NWD1: variants seen among roughly 807,000 people sequenced by gnomAD.
NWD1 encodes NACHT domain- and WD repeat-containing protein 1.
In NWD1, 129 loss-of-function variants were observed where a neutral mutation model predicts 135.1. That is an observed-to-expected ratio of 0.96 (90% CI 0.83 to 1.11). The LOEUF is 1.11. Ranked by LOEUF, NWD1 falls within the 50% of genes least tolerant of loss-of-function variation. The pLI is 0.00. For synonymous variants in NWD1, 773 were observed against 786.0 expected, an observed-to-expected ratio of 0.98 and a Z score of 0.28; for missense variants, 1,740 against 1,851.3, an observed-to-expected ratio of 0.94 and a Z score of 1.10.
chr19:16,727,948 G>A (rs1967394809), intron 2 of NWD1, among the ~76,000 whole-genome samples: 1 of 152,086 alleles, frequency 6.6e-6, no homozygotes, highest in South Asian at 2.1e-4. Flanking sequence ...TGTAATCCCA[G>A]CTACTTGAGA....
chr19:16,728,111 T>G (rs1250150771), intron 2 of NWD1, among the ~76,000 whole-genome samples: 1 of 152,042 alleles, frequency 6.6e-6, no homozygotes, highest in Non-Finnish European at 1.5e-5. Flanking sequence ...GATAATAGCA[T>G]GCAGCTACAC....
rs143908337 is a variant in NWD1 at position 16,807,836 on chromosome 19, C to T, written c.3987C>T (p.Ser1329=). The change falls in exon 18 of 19, where the codon TCC becomes TCT. Residue 1329 remains serine, a synonymous_variant. Coordinates refer to ENST00000524140, the MANE Select transcript of NWD1 (RefSeq NM_001007525.5). ...DNIVLVLDIT[S]GDPCPVIDGP... is the part of the protein sequence containing the mutation. ...TCGTCCTGGTGCTGGACATCACCTCCGGGGACCCCTGCCCGGTCATCGATG... is the reference window on the plus strand; with the variant it reads ...TCGTCCTGGTGCTGGACATCACCTCTGGGGACCCCTGCCCGGTCATCGATG... 7.0e-5 allele frequency: 113 copies of T among 1,614,178 alleles called. No homozygotes were observed. Among genetic ancestry groups the T allele is most frequent in the East Asian group, 2.0e-4 (9 of 44,886 alleles).
intron 11 of NWD1, among the ~76,000 whole-genome samples, chr19:16,778,682 T>C (rs187076870): frequency 6.6e-6 from 1 of 152,166 alleles, no homozygotes; most frequent in Non-Finnish European, 1.5e-5. Flanking sequence ...CTAATTTTTA[T>C]ATTTTTAGTA....
At chr19:16,807,170 C>CAAAA (rs111687474) in intron 17 of NWD1, among the ~76,000 whole-genome samples, 5 of 99,838 alleles carry the variant, frequency 5.0e-5, no homozygotes, top group Non-Finnish European at 4.5e-5. Flanking sequence ...AATACTGTCT[C>CAAAA]AAAAAAAAAA....
At chr19:16,803,628 T>C (rs1970666195) in intron 17 of NWD1, among the ~76,000 whole-genome samples, 1 of 151,840 alleles carries the variant, frequency 6.6e-6, no homozygotes, top group Admixed American at 6.6e-5. Context: ...GGAAACTAGC[T>C]AGTCATGGCC....
chr19:16,763,792 T>C, intron 8 of NWD1, 36 bp from the exon 9 acceptor site: 2 of 1,305,388 alleles, frequency 1.5e-6, no homozygotes, highest in Non-Finnish European at 2.2e-6. Flanking sequence ...TGAATGGGTT[T>C]GTGTCCAAGC....
chr19:16,739,355 A>AT lies in NWD1; in HGVS notation c.198+2607dup, dbSNP rs1555718025. 3.9e-4 allele frequency among the ~76,000 whole-genome samples: 51 copies of AT among 130,540 alleles called. 1 individual carries two copies. The highest frequency in any genetic ancestry group is 1.4e-3 in the African/African-American group (48 of 34,082). The allele number at this position is 130,540 out of a possible 152,430, so 85.6% of individuals were successfully genotyped here. The stretch of plus-strand genomic sequence containing the variant: ...AAAAAAAAAAAAAAAAAAAAAAAAA[A>AT]TTATTTTTTTAAGGAAGAAAGGGAA... On this transcript the variant is annotated intron_variant, in intron 4 of 18. Transcript: ENST00000524140.
chr19:16,747,445 C>T (rs1032947179), intron 5 of NWD1, among the ~76,000 whole-genome samples: 33 of 151,942 alleles, frequency 2.2e-4, no homozygotes, highest in African/African-American at 7.7e-4. Flanking sequence ...GGCACGATCA[C>T]GGCTCAGTGT....
chr19:16,763,991 C>T (rs769679299), intron 9 of NWD1, 46 bp downstream of exon 9: 5 of 1,146,146 alleles, frequency 4.4e-6, no homozygotes, highest in Middle Eastern at 2.0e-4. Context: ...GGTGACTGCA[C>T]CACGCTCCAG....
chr19:16,747,216 T>C (rs1968359158), intron 5 of NWD1, among the ~76,000 whole-genome samples: 1 of 151,692 alleles, frequency 6.6e-6, no homozygotes, highest in South Asian at 2.1e-4. Context: ...TTTGTATTTT[T>C]AGTAGAGACG....
rs886853526 is a variant in NWD1, at chr19:16,744,667, C to T, written c.445C>T (p.Arg149Trp). The change falls in exon 5 of 19, where the codon CGG becomes TGG. Residue 149 changes from arginine to tryptophan, a missense_variant. Coordinates refer to ENST00000524140, the MANE Select transcript of NWD1 (RefSeq NM_001007525.5). Reference sequence around the variant, plus strand: ...CCTACGCTCTGGAGCCCAGGAGGCCCGGAGGCTGGGGCTCATCACCCAGGA... The same window carrying T: ...CCTACGCTCTGGAGCCCAGGAGGCCTGGAGGCTGGGGCTCATCACCCAGGA... ...SVLRSGAQEA[R>W]RLGLITQEQW... 3.8e-5 allele frequency: 59 copies of T among 1,535,832 alleles called. No homozygotes were observed. Among genetic ancestry groups the T allele is most frequent in the Admixed American group, 1.4e-4 (7 of 50,946 alleles).
In NWD1 at chr19:16,750,337, A is replaced by T. The variant is rs1809543812; in HGVS notation, c.1695A>T (p.Gln565His). The T allele has an allele frequency of 6.2e-7, 1 of 1,611,912 alleles. No homozygotes were observed. Among genetic ancestry groups the T allele is most frequent in the Non-Finnish European group, 8.5e-7 (1 of 1,179,468 alleles). ...CCACCGCAGAGGAAGCCACGCACCA[A>T]CTCTGCACCCGCCTGGAGCAGACAC... is the stretch of plus-strand genomic sequence containing the variant. The part of the protein sequence containing the change: ...LATTAEEATH[Q>H]LCTRLEQTHG... The change falls in exon 6 of 19, where the codon CAA (glutamine) becomes CAT (histidine). Residue 565 changes from glutamine (Q) to histidine (H), a missense_variant. Coordinates refer to ENST00000524140, the MANE Select transcript of NWD1 (RefSeq NM_001007525.5).
At chr19:16,803,598 G>A (rs1338732881) in intron 17 of NWD1, among the ~76,000 whole-genome samples, 11 of 152,004 alleles carry the variant, frequency 7.2e-5, no homozygotes, top group Non-Finnish European at 1.3e-4. Flanking sequence ...TCCATAACAC[G>A]CCTATAACTT....
intron 10 of NWD1, among the ~76,000 whole-genome samples, chr19:16,767,167 C>CTT (rs56324724): frequency 3.3e-4 from 22 of 67,022 alleles, no homozygotes; most frequent in East Asian, 1.8e-3. Flanking sequence ...AGAGGTGCGT[C>CTT]TTTTTTTTTT....
intron 10 of NWD1, among the ~76,000 whole-genome samples, chr19:16,767,333 G>A (rs1467204434): frequency 6.6e-6 from 1 of 151,960 alleles, no homozygotes; most frequent in Non-Finnish European, 1.5e-5. Flanking sequence ...ACCATCGGAC[G>A]GCCAGGTGTG....
rs778929268 is a variant in NWD1, at chr19:16,797,861, CG to C, written c.3438del (p.Ser1147ProfsTer28). On this transcript the variant is annotated frameshift_variant, in exon 16 of 19. Transcript: ENST00000524140. LOFTEE classifies it high-confidence loss of function. ...GGTACTGAGAACAACCTGATCATCA[CG>C]GGGTCCCTTGATGCGCTCATTCAGG... ...VFGTENNLIITGSLDALIQVW... is the reference protein window; with the variant it reads ...VFGTENNLIIXGSLDALIQVW... The C allele has an allele frequency of 1.2e-6, 2 of 1,613,860 alleles. No individual in the cohort carries two copies. Among genetic ancestry groups the C allele is most frequent in the Non-Finnish European group, 1.7e-6 (2 of 1,179,786 alleles).
intron 4 of NWD1, among the ~76,000 whole-genome samples, chr19:16,742,848 A>T (rs113637010): frequency 0.022 from 3,224 of 144,544 alleles, 120 homozygotes; most frequent in African/African-American, 0.078. Context: ...TTTTAAAAAA[A>T]TTTTTTGTAG....
At chr19:16,745,945 A>C (rs1368125683) in intron 5 of NWD1, among the ~76,000 whole-genome samples, 4 of 151,878 alleles carry the variant, frequency 2.6e-5, no homozygotes, top group African/African-American at 9.7e-5. Context: ...AATTAAATAA[A>C]ATACAGTCTA....
intron 5 of NWD1, among the ~76,000 whole-genome samples, chr19:16,748,271 C>T (rs920772822): frequency 2.6e-5 from 4 of 151,942 alleles, no homozygotes; most frequent in Non-Finnish European, 5.9e-5. Context: ...GGCATGAGAC[C>T]CCATGTCCAG....
Sources: allele counts gnomAD v4.1 joint callset (sites outside exome capture counted in the v4.1 genomes callset), GRCh38; gene constraint gnomAD v4.1.1; transcripts MANE v1.5; gene names NCBI Gene and HGNC (gene_info 2026-07-23, HGNC 2026-07-21).